Variants in MYCBP2 observed in about 807,000 individuals in gnomAD.
MYCBP2 encodes MYC binding protein 2, also known as E3 ubiquitin-protein ligase MYCBP2.
In MYCBP2, 120 loss-of-function variants were observed where a neutral mutation model predicts 525.3. The ratio of observed to expected loss-of-function variants is 0.23; its 90% CI spans 0.20 to 0.27. The LOEUF (loss-of-function observed/expected upper bound fraction) is 0.27. Ranked by LOEUF, MYCBP2 falls within the 10% of genes least tolerant of loss-of-function variation. The pLI, the probability that MYCBP2 is intolerant of heterozygous loss-of-function variation, is 1.00. For synonymous variants in MYCBP2, 1,894 were observed against 1,955.8 expected (o/e 0.97, Z 0.83); for missense variants, 4,149 against 5,657.1 (o/e 0.73, Z 8.55).
intron 55 of MYCBP2, among the ~76,000 whole-genome samples, chr13:77,105,118 A>G (rs141553092): frequency 2.0e-5 from 3 of 152,236 alleles, no homozygotes; most frequent in Admixed American, 1.3e-4. Flanking sequence ...CAACCTGCCA[A>G]TATAGGAAGG....
chr13:77,210,396 G>T (rs1198874980), intron 23 of MYCBP2, among the ~76,000 whole-genome samples: 1 of 151,950 alleles, frequency 6.6e-6, no homozygotes, highest in South Asian at 2.1e-4. Flanking sequence ...GTTTCACTGT[G>T]TTAGCCAGGA....
At chr13:77,178,015 G>T (rs1168682659) in intron 34 of MYCBP2, 61 bp from the exon 35 acceptor site, 1 of 1,019,964 alleles carries the variant, frequency 9.8e-7, no homozygotes, top group African/African-American at 1.6e-5. Flanking sequence ...ACCATCCAAA[G>T]GTTTCTAAGA....
intron 80 of MYCBP2, among the ~76,000 whole-genome samples, chr13:77,055,168 G>A (rs1322587408): frequency 6.6e-6 from 1 of 151,750 alleles, no homozygotes; most frequent in Non-Finnish European, 1.5e-5. Flanking sequence ...AAAGATAAAT[G>A]ACTAGAAAGG....
At chr13:77,076,379 T>C (rs1299689517) in intron 68 of MYCBP2, among the ~76,000 whole-genome samples, 4 of 152,150 alleles carry the variant, frequency 2.6e-5, no homozygotes, top group African/African-American at 9.7e-5. Flanking sequence ...GGGGAAATCA[T>C]AAACAAATTT....
At chr13:77,309,790 A>G (rs1470053200) in intron 1 of MYCBP2, among the ~76,000 whole-genome samples, 1 of 152,174 alleles carries the variant, frequency 6.6e-6, no homozygotes, top group Non-Finnish European at 1.5e-5. Flanking sequence ...TTATAAATTG[A>G]AAGTTTAACT....
intron 1 of MYCBP2, among the ~76,000 whole-genome samples, chr13:77,319,063 T>C (rs1411557388): frequency 1.3e-5 from 2 of 152,174 alleles, no homozygotes; most frequent in African/African-American, 4.8e-5. Context: ...TGGTATTCTT[T>C]TGTGTCTGTG....
intron 2 of MYCBP2, among the ~76,000 whole-genome samples, chr13:77,295,398 C>T (rs775394581): frequency 2.0e-4 from 31 of 152,268 alleles, no homozygotes; most frequent in African/African-American, 3.1e-4. Context: ...TCCCAAAGTG[C>T]GGGGATTACA....
chr13:77,260,651 G>T, intron 12 of MYCBP2, 59 bp from the exon 13 acceptor site: 1 of 1,353,630 alleles, frequency 7.4e-7, no homozygotes, highest in Non-Finnish European at 1.0e-6. Context: ...AATAATAATG[G>T]TTTGTATATA....
At chr13:77,224,660 G>C in intron 19 of MYCBP2, 128 bp from the exon 20 acceptor site, 1 of 511,282 alleles carries the variant, frequency 2.0e-6, no homozygotes, top group Non-Finnish European at 3.5e-6. Context: ...GGTAACTGAA[G>C]GACAAATTTG....
At chr13:77,131,439 A>T (rs916479780) in intron 52 of MYCBP2, among the ~76,000 whole-genome samples, 2 of 151,790 alleles carry the variant, frequency 1.3e-5, no homozygotes, top group African/African-American at 4.8e-5. Flanking sequence ...GGACTCCTTG[A>T]GCCCAGAAGT....
intron 43 of MYCBP2, 118 bp downstream of exon 43, chr13:77,164,336 G>C (rs2058293403): frequency 1.5e-6 from 1 of 660,364 alleles, no homozygotes; most frequent in East Asian, 2.7e-5. Flanking sequence ...AGCAGTTATT[G>C]CTCATGAATA....
chr13:77,301,640 C>T (rs900026475), intron 1 of MYCBP2, among the ~76,000 whole-genome samples: 1 of 152,102 alleles, frequency 6.6e-6, no homozygotes, highest in Non-Finnish European at 1.5e-5. Context: ...TTCATTCATA[C>T]ACAGTGTTAG....
At chr13:77,064,972 A>G (rs1022202374) in intron 72 of MYCBP2, among the ~76,000 whole-genome samples, 1 of 152,180 alleles carries the variant, frequency 6.6e-6, no homozygotes, top group Non-Finnish European at 1.5e-5. Context: ...TAAGTTCTCA[A>G]TACTCTTTTC....
In MYCBP2 at chr13:77,141,262, T is replaced by C. The variant is rs79281940; in HGVS notation, c.7304-319A>G. Reference sequence around the variant, plus strand: ...TTGAGAATTAAATCTTATCTGACAATATCCAATCAGAATACCACTCATCAT... The same window carrying C: ...TTGAGAATTAAATCTTATCTGACAACATCCAATCAGAATACCACTCATCAT... On this transcript the variant is annotated intron_variant, in intron 49 of 82. Transcript: ENST00000544440. Among the ~76,000 whole-genome samples, 1,224 of 152,134 alleles carry C rather than the reference T, an allele frequency of 8.0e-3. 28 individuals are homozygous for C. The highest frequency in any genetic ancestry group is 0.046 in the East Asian group (238 of 5,172).
At chr13:77,269,874 T>G in intron 7 of MYCBP2, 118 bp downstream of exon 7, 1 of 789,570 alleles carries the variant, frequency 1.3e-6, no homozygotes, top group African/African-American at 1.7e-5. Flanking sequence ...TATGGCCATA[T>G]TAGTAAAAAT....
At chr13:77,241,526 ATT>A (rs2068821421) in intron 17 of MYCBP2, among the ~76,000 whole-genome samples, 1 of 152,188 alleles carries the variant, frequency 6.6e-6, no homozygotes, top group African/African-American at 2.4e-5. Flanking sequence ...ATAAAAAATT[ATT>A]AATTACCACA....
rs754581721 is a variant in MYCBP2 at position 77,140,208 on chromosome 13, T to C, written c.7402-45A>G. 7.3e-6 allele frequency: 9 copies of C among 1,232,092 alleles called. No homozygotes were observed. In the East Asian group the frequency reaches 1.2e-4, roughly 16 times the overall value. 76.3% of individuals were successfully genotyped at this position (1,232,092 alleles called of 1,614,324 possible). A position where few individuals can be genotyped will look rare whatever the true frequency, so the allele number is the denominator to read the frequency against. The stretch of plus-strand genomic sequence containing the variant: ...ACAGTGAGGTAGGAAGAACATAGAA[T>C]AGAGATCTTACAAGTAGCAAGAAGT... On this transcript the variant is annotated intron_variant, in intron 50 of 82. Coordinates refer to ENST00000544440, the MANE Select transcript of MYCBP2 (RefSeq NM_015057.5).
At chr13:77,238,912 G>A (rs991424713) in intron 17 of MYCBP2, among the ~76,000 whole-genome samples, 1 of 152,226 alleles carries the variant, frequency 6.6e-6, no homozygotes, top group Non-Finnish European at 1.5e-5. Context: ...CCTGAGGTCA[G>A]AAGTTTGAGA....
At chr13:77,073,232 G>C (rs565383665) in intron 68 of MYCBP2, among the ~76,000 whole-genome samples, 1 of 151,956 alleles carries the variant, frequency 6.6e-6, no homozygotes, top group Non-Finnish European at 1.5e-5. Flanking sequence ...GCAATATATG[G>C]ATTATCTTAC....
Sources: allele counts gnomAD v4.1 joint callset (sites outside exome capture counted in the v4.1 genomes callset), GRCh38; gene constraint gnomAD v4.1.1; transcripts MANE v1.5; gene names NCBI Gene and HGNC (gene_info 2026-07-23, HGNC 2026-07-21).